RAD51: variants seen among roughly 807,000 people sequenced by gnomAD.
RAD51 encodes DNA repair protein RAD51 homolog 1.
Under a neutral mutation model 41.5 loss-of-function variants are expected in RAD51, and 14 were observed. The ratio of observed to expected loss-of-function variants is 0.34; its 90% CI spans 0.22 to 0.53. RAD51 has a LOEUF of 0.53. Ranked by LOEUF, RAD51 falls within the 20% of genes least tolerant of loss-of-function variation. The pLI is 0.95. For missense variants in RAD51, 234 were observed against 422.0 expected (o/e 0.55, Z 3.90); for synonymous variants, 136 against 148.6 (o/e 0.92, Z 0.62).
At chr15:40,730,166 A>G (rs1251653159) in intron 9 of RAD51, among the ~76,000 whole-genome samples, 192 bp downstream of exon 9, 1 of 152,192 alleles carries the variant, frequency 6.6e-6, no homozygotes, top group Non-Finnish European at 1.5e-5. Flanking sequence ...AAAACCCACA[A>G]GTGTGGAAGA....
intron 3 of RAD51, 47 bp downstream of exon 3, chr15:40,701,248 C>T (rs1219331408): frequency 6.3e-7 from 1 of 1,597,134 alleles, no homozygotes; most frequent in Admixed American, 1.7e-5. Context: ...GGGAATAGTA[C>T]AAAAGGGAAT....
rs548743017 is a variant in RAD51 at position 40,715,331 on chromosome 15, G to T, written c.436-3474G>T. On this transcript the variant is annotated intron_variant, in intron 5 of 9. Coordinates refer to ENST00000267868, the MANE Select transcript of RAD51 (RefSeq NM_002875.5). ...GATCGTGCCACTGCACTCCAGCCTGGGCAACAGAGTAAGATTCTGTCTCAA... is the reference window on the plus strand; with the variant it reads ...GATCGTGCCACTGCACTCCAGCCTGTGCAACAGAGTAAGATTCTGTCTCAA... Among the ~76,000 whole-genome samples, 16 of 151,634 alleles carry T rather than the reference G, an allele frequency of 1.1e-4. No individual in the cohort carries two copies. The East Asian group carries it at 1.2e-3, about 11-fold the overall frequency.
intron 6 of RAD51, among the ~76,000 whole-genome samples, chr15:40,724,297 A>G (rs1449475732): frequency 1.3e-5 from 2 of 152,194 alleles, no homozygotes; most frequent in African/African-American, 4.8e-5. Flanking sequence ...ACTTTTAAGT[A>G]TACTGTTTTA....
At chr15:40,725,258 T>G (rs1265290551) in intron 6 of RAD51, among the ~76,000 whole-genome samples, 9 of 152,128 alleles carry the variant, frequency 5.9e-5, no homozygotes, top group Non-Finnish European at 1.2e-4. Flanking sequence ...TCTCAAACTC[T>G]TGGCCTAGAG....
chr15:40,700,227 G>T (rs1016079834), intron 2 of RAD51, among the ~76,000 whole-genome samples: 1 of 152,186 alleles, frequency 6.6e-6, no homozygotes, highest in Non-Finnish European at 1.5e-5. Flanking sequence ...GGTGGCTAAT[G>T]AAACCAAAGC....
At chr15:40,707,707 T>A (rs1319678043) in intron 4 of RAD51, among the ~76,000 whole-genome samples, 1 of 151,830 alleles carries the variant, frequency 6.6e-6, no homozygotes, top group Non-Finnish European at 1.5e-5. Flanking sequence ...TTTTTTTTTG[T>A]TGTTGTTGGT....
Position 40,696,318 on chromosome 15 carries a change from TA to T in RAD51, c.-3+894del, listed in dbSNP as rs1262464352. Among the ~76,000 whole-genome samples, 3 of 152,190 alleles carry T rather than the reference TA, an allele frequency of 2.0e-5. No individual in the cohort carries two copies. In the East Asian group the frequency reaches 5.8e-4, roughly 29 times the overall value. On this transcript the variant is annotated intron_variant, in intron 1 of 9. Transcript: ENST00000267868. ...GGCCGGGCGTCGTGTCTCACGTCTG[TA>T]GTCCCAGCACTTTGGGAAGTGGAGG... is the stretch of plus-strand genomic sequence containing the variant.
chr15:40,726,912 CAAAAA>C (rs529781901), intron 6 of RAD51, among the ~76,000 whole-genome samples: 6 of 120,602 alleles, frequency 5.0e-5, no homozygotes, highest in Admixed American at 1.7e-4. Context: ...GACTCCGTCT[CAAAAA>C]AAAAAAAAAA....
intron 4 of RAD51, among the ~76,000 whole-genome samples, chr15:40,707,557 T>C (rs1237671638): frequency 6.6e-6 from 1 of 152,164 alleles, no homozygotes; most frequent in East Asian, 1.9e-4. Context: ...TCTACCCGCC[T>C]CAGCCTCCCA....
Position 40,729,846 on chromosome 15 carries a change from C to T in RAD51, c.775-7C>T. On this transcript the variant is annotated splice_region_variant and splice_polypyrimidine_tract_variant and intron_variant, in intron 8 of 9. Coordinates refer to ENST00000267868, the MANE Select transcript of RAD51 (RefSeq NM_002875.5). ...CACAAAATTGACATTTATCCTTTCC[C>T]CATCAGTTTGGTGTAGCAGTGGTAA... 6.2e-7 allele frequency: 1 copy of T among 1,614,128 alleles called. No homozygotes were observed. Among genetic ancestry groups the T allele is most frequent in the Non-Finnish European group, 8.5e-7 (1 of 1,180,012 alleles).
At chr15:40,713,105 T>C (rs1349135220) in intron 5 of RAD51, among the ~76,000 whole-genome samples, 4 of 151,738 alleles carry the variant, frequency 2.6e-5, no homozygotes, top group African/African-American at 4.8e-5. Context: ...GGTCTCAAAC[T>C]CCTGACCTCA....
At chr15:40,728,095 G>C (rs1896679395) in intron 6 of RAD51, among the ~76,000 whole-genome samples, 1 of 152,024 alleles carries the variant, frequency 6.6e-6, no homozygotes, top group Middle Eastern at 3.2e-3. Flanking sequence ...CCTGACATCA[G>C]GTGATCCACC....
chr15:40,723,021 C>T (rs891415029), intron 6 of RAD51, among the ~76,000 whole-genome samples: 2 of 152,066 alleles, frequency 1.3e-5, no homozygotes, highest in Admixed American at 6.6e-5. Context: ...AAAAAGATAA[C>T]CCAGTTGTTT....
chr15:40,701,257 A>G, intron 3 of RAD51, 56 bp downstream of exon 3: 1 of 1,583,146 alleles, frequency 6.3e-7, no homozygotes, highest in Non-Finnish European at 8.7e-7. Flanking sequence ...ACAAAAGGGA[A>G]TGTAGTGAAA....
intron 4 of RAD51, among the ~76,000 whole-genome samples, chr15:40,707,174 T>TA (rs1895401292): frequency 6.7e-6 from 1 of 148,188 alleles, no homozygotes; most frequent in Admixed American, 6.7e-5. Flanking sequence ...TTTTTTTTTT[T>TA]TTGAGTCGGG....
intron 4 of RAD51, 143 bp from the exon 5 acceptor site, chr15:40,708,882 C>T (rs566667798): frequency 1.3e-6 from 1 of 789,766 alleles, no homozygotes; most frequent in Non-Finnish European, 2.1e-6. Context: ...CCTCAAAATA[C>T]ATTTGTGAAA....
intron 6 of RAD51, among the ~76,000 whole-genome samples, chr15:40,720,793 T>C (rs1896231081): frequency 6.6e-6 from 1 of 152,212 alleles, no homozygotes; most frequent in Non-Finnish European, 1.5e-5. Flanking sequence ...GTAAGATTTG[T>C]ACAGCAAAAA....
At chr15:40,696,099 A>T (rs1894609367) in intron 1 of RAD51, among the ~76,000 whole-genome samples, 1 of 152,050 alleles carries the variant, frequency 6.6e-6, no homozygotes, top group Non-Finnish European at 1.5e-5. Context: ...GCTGGTCTCG[A>T]ACTTCTGACC....
chr15:40,710,022 C>A (rs1895590282), intron 5 of RAD51, among the ~76,000 whole-genome samples: 1 of 151,908 alleles, frequency 6.6e-6, no homozygotes. Flanking sequence ...GTGGGCGGAT[C>A]ACAAGGTCAG....
Sources: gnomAD v4.1 joint callset for allele counts (sites outside exome capture counted in the v4.1 genomes callset) on GRCh38, gnomAD v4.1.1 for gene constraint, MANE v1.5 for transcripts, NCBI Gene and HGNC (gene_info 2026-07-23, HGNC 2026-07-21) for gene names.